Variants in AMOT observed in about 807,000 individuals in gnomAD.
AMOT encodes the protein angiomotin.
A neutral mutation model predicts 67.0 loss-of-function variants in AMOT; 11 were observed. That is an observed-to-expected ratio of 0.16 (90% confidence interval 0.10 to 0.27). AMOT has a LOEUF of 0.27. Ranked by LOEUF, AMOT falls within the 10% of genes least tolerant of loss-of-function variation. The probability of loss-of-function intolerance (pLI) is 1.00; values close to 1 mark genes in which losing one functional copy is unlikely to be tolerated. For missense variants in AMOT, 753 were observed against 852.0 expected, an observed-to-expected ratio of 0.88 and a Z score of 1.45; for synonymous variants, 326 against 321.4, an observed-to-expected ratio of 1.01 and a Z score of -0.15.
intron 5 of AMOT, among the ~76,000 whole-genome samples, chrX:112,812,602 A>C (rs1387638112): frequency 8.9e-6 from 1 of 112,300 alleles, no homozygotes; most frequent in Admixed American, 9.4e-5. Context: ...CATTGCACAT[A>C]TAATAGCCAC....
chrX:112,815,936 G>A (rs1934543811), intron 4 of AMOT, 59 bp from the exon 5 acceptor site: 12 of 1,129,647 alleles, frequency 1.1e-5, no homozygotes, highest in Non-Finnish European at 1.4e-5. Flanking sequence ...TGGGGGAGAA[G>A]GGCACACAAA....
Position 112,781,057 on chromosome X carries a change from G to A in AMOT, c.2302C>T (p.Arg768Cys). 1.7e-6 allele frequency: 2 copies of A among 1,211,950 alleles called. No individual in the cohort carries two copies. Among genetic ancestry groups the A allele is most frequent in the East Asian group, 3.0e-5 (1 of 33,834 alleles). ...KDAMIKVLQQRSRKEPSKTEQ... is the reference protein window; with the variant it reads ...KDAMIKVLQQCSRKEPSKTEQ... ...GTCTTGCTCGGCTCCTTCCGGGAAC[G>A]CTGCTGGAGTACTTTGATCATGGCA... is the stretch of plus-strand genomic sequence containing the variant. Residue 768 changes from arginine to cysteine, a missense_variant, in exon 12 of 14, where the codon CGT becomes TGT. Transcript: ENST00000371959.
rs1932937082 is a variant in AMOT at position 112,776,221 on chromosome X, T to G, written c.*2346A>C. The G allele has an allele frequency of 8.9e-6, 1 of 112,415 alleles. No individual in the cohort carries two copies. Among genetic ancestry groups the G allele is most frequent in the Admixed American group, 9.4e-5 (1 of 10,621 alleles). 9.3% of individuals were successfully genotyped at this position (112,415 alleles called of 1,213,427 possible). ...CACAATGTGGAATGTATGACATTTG[T>G]CACCTTGCAGAATGTGATTAAAATC... On this transcript the variant is annotated 3_prime_UTR_variant, in exon 14 of 14. Coordinates refer to ENST00000371959, the MANE Select transcript of AMOT (RefSeq NM_001113490.2).
At chrX:112,834,435 A>AG in intron 1 of AMOT, among the ~76,000 whole-genome samples, 1 of 111,828 alleles carries the variant, frequency 8.9e-6, no homozygotes, top group Admixed American at 9.5e-5. Flanking sequence ...TAAGGTTGAT[A>AG]GGGGGGCGGC....
chrX:112,788,246 A>G (rs760727036), intron 10 of AMOT, among the ~76,000 whole-genome samples: 25 of 108,232 alleles, frequency 2.3e-4, no homozygotes, highest in Non-Finnish European at 4.0e-4. Context: ...CCGAGATAGC[A>G]CCACTGCACT....
rs148908761 is a variant in AMOT at position 112,812,904 on chromosome X, C to A, written c.1393-1511G>T. 3.1e-3 allele frequency among the ~76,000 whole-genome samples: 354 copies of A among 112,618 alleles called. 3 individuals carry two copies. The highest frequency in any genetic ancestry group is 0.011 in the African/African-American group (340 of 31,017). On this transcript the variant is annotated intron_variant, in intron 5 of 13. Coordinates refer to ENST00000371959, the MANE Select transcript of AMOT (RefSeq NM_001113490.2). The stretch of plus-strand genomic sequence containing the variant: ...GGCTTATGCCACAGAAAAGAGCAGA[C>A]TCAAAAGTGTTTTTCTCTTCACAGA...
rs1366804264 is a variant in AMOT, at chrX:112,822,537, G to A, written c.590C>T (p.Ala197Val). The change falls in exon 4 of 14, where the codon GCT becomes GTT. Residue 197 changes from alanine (A) to valine (V), a missense_variant. Transcript: ENST00000371959. ...GVKAHPPVTSAPLSPPQPNDL... is the reference protein window; with the variant it reads ...GVKAHPPVTSVPLSPPQPNDL... ...ATTGGGTTGTGGTGGGGAGAGGGGA[G>A]CACTGGTAACAGGTGGATGGGCCTT... 8.6e-7 allele frequency: 1 copy of A among 1,167,915 alleles called. No individual in the cohort carries two copies. Among genetic ancestry groups the A allele is most frequent in the East Asian group, 3.3e-5 (1 of 30,769 alleles).
intron 10 of AMOT, 118 bp from the exon 11 acceptor site, chrX:112,782,780 G>A: frequency 2.1e-6 from 2 of 931,614 alleles, no homozygotes; most frequent in East Asian, 3.2e-5. Context: ...AAGCACATTT[G>A]GAACAGATGG....
At chrX:112,797,393 TACAC>T (rs779561866) in intron 8 of AMOT, among the ~76,000 whole-genome samples, 59 of 111,236 alleles carry the variant, frequency 5.3e-4, no homozygotes, top group African/African-American at 1.5e-3. Flanking sequence ...TGCATGCACA[TACAC>T]ACACAGACAC....
Position 112,781,056 on chromosome X carries a change from C to T in AMOT, c.2303G>A (p.Arg768His), listed in dbSNP as rs1933147187. 1 of 1,210,465 alleles carries T rather than the reference C, an allele frequency of 8.3e-7. No individual in the cohort carries two copies. The highest frequency in any genetic ancestry group is 2.2e-5 in the Admixed American group (1 of 45,821). ...KDAMIKVLQQ[R>H]SRKEPSKTEQ... ...TGTCTTGCTCGGCTCCTTCCGGGAA[C>T]GCTGCTGGAGTACTTTGATCATGGC... The change falls in exon 12 of 14, where the codon CGT (arginine) becomes CAT (histidine). Residue 768 changes from arginine (R) to histidine (H), a missense_variant. Coordinates refer to ENST00000371959, the MANE Select transcript of AMOT (RefSeq NM_001113490.2).
chrX:112,800,643 A>G (rs1933985256), intron 8 of AMOT, among the ~76,000 whole-genome samples: 2 of 112,386 alleles, frequency 1.8e-5, no homozygotes, highest in African/African-American at 3.2e-5. Flanking sequence ...TGCTTTGTGG[A>G]TAGGTGTCAT....
intron 9 of AMOT, among the ~76,000 whole-genome samples, 198 bp downstream of exon 9, chrX:112,791,634 G>A (rs1413150652): frequency 3.6e-5 from 4 of 112,138 alleles, no homozygotes; most frequent in Non-Finnish European, 3.8e-5. Flanking sequence ...GATATTTCTG[G>A]GATAGGAAGC....
At chrX:112,780,264 G>A (rs1414628061) in intron 12 of AMOT, 1 of 112,442 alleles carries the variant, frequency 8.9e-6, no homozygotes, top group Non-Finnish European at 1.9e-5. Flanking sequence ...GGAATTAACA[G>A]CAACAAAAAG....
chrX:112,795,184 C>G (rs764112930), intron 8 of AMOT, among the ~76,000 whole-genome samples: 1 of 110,797 alleles, frequency 9.0e-6, no homozygotes, highest in South Asian at 3.9e-4. Flanking sequence ...GACCCCTAGG[C>G]AAAACAAATT....
chrX:112,793,877 C>A (rs192173782), intron 8 of AMOT, among the ~76,000 whole-genome samples: 1 of 112,144 alleles, frequency 8.9e-6, no homozygotes, highest in African/African-American at 3.2e-5. Flanking sequence ...CTGACTAGGG[C>A]AACCAAAACT....
At chrX:112,784,631 C>T (rs1933309010) in intron 10 of AMOT, among the ~76,000 whole-genome samples, 1 of 111,154 alleles carries the variant, frequency 9.0e-6, no homozygotes, top group South Asian at 3.8e-4. Flanking sequence ...TGGAGGAGAG[C>T]GAGAGCGAGA....
Position 112,777,723 on chromosome X carries a change from A to G in AMOT, c.*844T>C, listed in dbSNP as rs1339470556. 1 of 111,973 alleles carries G rather than the reference A, an allele frequency of 8.9e-6. No homozygotes were observed. The highest frequency in any genetic ancestry group is 1.9e-5 in the Non-Finnish European group (1 of 53,176). The allele number at this position is 111,973 out of a possible 1,213,427, so 9.2% of individuals were successfully genotyped here. ...CAAGCTGTGTTCATGGCTACACACAAACCATGGAAGTCTGCATATAGCACC... is the reference window on the plus strand; with the variant it reads ...CAAGCTGTGTTCATGGCTACACACAGACCATGGAAGTCTGCATATAGCACC... On this transcript the variant is annotated 3_prime_UTR_variant, in exon 14 of 14. Coordinates refer to ENST00000371959, the MANE Select transcript of AMOT (RefSeq NM_001113490.2).
At chrX:112,832,502 T>C (rs926514819) in intron 1 of AMOT, 132 bp from the exon 2 acceptor site, 5 of 111,762 alleles carry the variant, frequency 4.5e-5, no homozygotes, top group Non-Finnish European at 7.5e-5. Context: ...AGGGCCAGCA[T>C]TGGAACCCAG....
In AMOT at chrX:112,811,377, T is replaced by C; in HGVS notation, c.1409A>G (p.Gln470Arg). 8.3e-7 allele frequency: 1 copy of C among 1,206,287 alleles called. No homozygotes were observed. Among genetic ancestry groups the C allele is most frequent in the South Asian group, 1.8e-5 (1 of 56,145 alleles). ...ARLQKVETEIQRVSEAYENLV... is the reference protein window; with the variant it reads ...ARLQKVETEIRRVSEAYENLV... ...GTTCTCATATGCCTCCGAGACGCGCTGGATTTCTGTCTCCACCTTAACAAC... is the reference window on the plus strand; with the variant it reads ...GTTCTCATATGCCTCCGAGACGCGCCGGATTTCTGTCTCCACCTTAACAAC... Residue 470 changes from glutamine to arginine, a missense_variant, in exon 6 of 14, where the codon CAG becomes CGG. Gln to Arg is a conservative substitution (Grantham distance 43, BLOSUM62 1). Coordinates refer to ENST00000371959, the MANE Select transcript of AMOT (RefSeq NM_001113490.2).
Sources: allele counts gnomAD v4.1 joint callset (sites outside exome capture counted in the v4.1 genomes callset), GRCh38; gene constraint gnomAD v4.1.1; transcripts MANE v1.5; gene names NCBI Gene and HGNC (gene_info 2026-07-23, HGNC 2026-07-21).